Variants in MYBPC3 observed in about 807,000 individuals in gnomAD.
MYBPC3 encodes the protein myosin binding protein C3, also known as myosin-binding protein C, cardiac-type.
A neutral mutation model predicts 159.3 loss-of-function variants in MYBPC3; 108 were observed. The ratio of observed to expected loss-of-function variants is 0.68; its 90% CI spans 0.58 to 0.80. MYBPC3 has a LOEUF of 0.80. Ranked by LOEUF, MYBPC3 falls within the 30% of genes least tolerant of loss-of-function variation. MYBPC3 has a pLI of 0.00. For missense variants in MYBPC3, 1,631 were observed against 1,762.1 expected, an observed-to-expected ratio of 0.93 and a Z score of 1.33; for synonymous variants, 730 against 702.0, an observed-to-expected ratio of 1.04 and a Z score of -0.63.
Position 47,346,593 on chromosome 11 carries a change from G to A in MYBPC3, c.926+34C>T. 1 of 1,561,244 alleles carries A rather than the reference G, an allele frequency of 6.4e-7. No homozygotes were observed. Among genetic ancestry groups the A allele is most frequent in the Non-Finnish European group, 8.7e-7 (1 of 1,151,698 alleles). On this transcript the variant is annotated intron_variant, in intron 11 of 34. Transcript: ENST00000545968. The surrounding 1 kb of genome is among the most constrained non-coding windows in gnomAD (Gnocchi z 5.3). The stretch of plus-strand genomic sequence containing the variant: ...GGAGGGGCTCCTGGCAGAATTAGGG[G>A]TGATGAGGGTGCTGTGCTATGTTGG...
rs2095896519 is a variant in MYBPC3 at position 47,348,319 on chromosome 11, A to C, written c.772+105T>G. 3 of 854,036 alleles carry C rather than the reference A, an allele frequency of 3.5e-6. No individual in the cohort carries two copies. In the Admixed American group the frequency reaches 6.8e-5, roughly 19 times the overall value. 52.9% of individuals were successfully genotyped at this position (854,036 alleles called of 1,614,324 possible). A position where few individuals can be genotyped will look rare whatever the true frequency, so the allele number is the denominator to read the frequency against. The stretch of plus-strand genomic sequence containing the variant: ...AGCACTGGGCACGTGGCCAGCACTC[A>C]TGTCTGGATGGGACGAGGCATCCTC... On this transcript the variant is annotated intron_variant, in intron 6 of 34. Transcript: ENST00000545968.
rs529430621 is a variant in MYBPC3, at chr11:47,345,608, G to A, written c.1090+599C>T. On this transcript the variant is annotated intron_variant, in intron 12 of 34. Coordinates refer to ENST00000545968, the MANE Select transcript of MYBPC3 (RefSeq NM_000256.3). ...AGGCATGTGAGACCCCTGCTTTCCC[G>A]GCTCACACCCGCCCTTGTCAACCCC... Among the ~76,000 whole-genome samples, 16 of 152,240 alleles carry A rather than the reference G, an allele frequency of 1.1e-4. No homozygotes were observed. In the South Asian group the frequency reaches 3.3e-3, roughly 32 times the overall value.
rs730880559 is a variant in MYBPC3, at chr11:47,341,000, T to G, written c.1927+3A>C. On this transcript the variant is annotated splice_donor_region_variant and intron_variant, in intron 20 of 34. Transcript: ENST00000545968. ...ACCAAGACTCAGGGGCCCCAAGACT[T>G]ACCCTGCCTGGGTACGAAGTCAATC... 17 of 1,564,046 alleles carry G rather than the reference T, an allele frequency of 1.1e-5. No homozygotes were observed. The highest frequency in any genetic ancestry group is 1.5e-5 in the Non-Finnish European group (17 of 1,155,762).
rs1042851980 is a variant in MYBPC3, at chr11:47,352,608, C to T, written c.25+15G>A. The T allele has an allele frequency of 4.4e-6, 7 of 1,602,980 alleles. No homozygotes were observed. Among genetic ancestry groups the T allele is most frequent in the Middle Eastern group, 1.7e-4 (1 of 6,038 alleles). On this transcript the variant is annotated intron_variant, in intron 1 of 34. Transcript: ENST00000545968. ...CTGCTCCCACACTTAGACCCAACCC[C>T]AGTCCTAAAGCTACCTGGCTTCTTC...
rs2142849684 is a variant in MYBPC3 at position 47,332,357 on chromosome 11, C to T, written c.3628-99G>A. On this transcript the variant is annotated intron_variant, in intron 32 of 34. Transcript: ENST00000545968. This position sits in a 1 kb window ranked among gnomAD's most constrained non-coding sequence, Gnocchi z 4.2. Reference sequence around the variant, plus strand: ...CATCTGTGTTTCTACTCGGGGGGTCCCACGAGAGTCCCTGACTATGCCCAA... The same window carrying T: ...CATCTGTGTTTCTACTCGGGGGGTCTCACGAGAGTCCCTGACTATGCCCAA... 13 of 1,465,378 alleles carry T rather than the reference C, an allele frequency of 8.9e-6. No homozygotes were observed. Among genetic ancestry groups the T allele is most frequent in the Non-Finnish European group, 1.2e-5 (13 of 1,055,080 alleles). 90.8% of individuals were successfully genotyped at this position (1,465,378 alleles called of 1,614,324 possible).
chr11:47,349,548 G>A (rs2095898121), intron 5 of MYBPC3, among the ~76,000 whole-genome samples: 1 of 145,686 alleles, frequency 6.9e-6, no homozygotes, highest in African/African-American at 2.6e-5. Flanking sequence ...AAGTCTCCCA[G>A]GTCCCCGACA....
At position 47,349,789 on chromosome 11, in the gene MYBPC3, G is replaced by A. The variant is rs727504858; in HGVS notation, c.639C>T (p.Tyr213=). 8.9e-5 allele frequency: 143 copies of A among 1,606,848 alleles called. 3 individuals carry two copies. The highest frequency in any genetic ancestry group is 8.8e-4 in the South Asian group (80 of 90,836). ...GTGGACCCACCTTGCTGGCGCGGTC[G>A]TAGCTGTCGTGCAGCTGCAGGTGCT... is the stretch of plus-strand genomic sequence containing the variant. ...VGQHLQLHDS[Y]DRASKVYLFE... Residue 213 remains tyrosine (Y), a synonymous_variant, in exon 5 of 35, where the codon TAC becomes TAT. Coordinates refer to ENST00000545968, the MANE Select transcript of MYBPC3 (RefSeq NM_000256.3).
At position 47,351,172 on chromosome 11, in the gene MYBPC3, T is replaced by A; in HGVS notation, c.292+67A>T. ...AAGCACCTCCTGTTCCCTGGATGGA[T>A]GGAGAGTCGCTGGGCTGCCCCTCCC... On this transcript the variant is annotated intron_variant, in intron 2 of 34. Transcript: ENST00000545968. This position sits in a 1 kb window ranked among gnomAD's most constrained non-coding sequence, Gnocchi z 4.2. 2.1e-6 allele frequency: 3 copies of A among 1,441,104 alleles called. No homozygotes were observed. Among genetic ancestry groups the A allele is most frequent in the Non-Finnish European group, 2.8e-6 (3 of 1,087,238 alleles). The allele number at this position is 1,441,104 out of a possible 1,614,324, so 89.3% of individuals were successfully genotyped here. A position where few individuals can be genotyped will look rare whatever the true frequency, so the allele number is the denominator to read the frequency against.
In MYBPC3 at chr11:47,342,648, C is replaced by T. The variant is rs372499440; in HGVS notation, c.1554G>A (p.Met518Ile). 4 of 1,613,908 alleles carry T rather than the reference C, an allele frequency of 2.5e-6. No homozygotes were observed. The highest frequency in any genetic ancestry group is 3.4e-6 in the Non-Finnish European group (4 of 1,179,900). Residue 518 changes from methionine to isoleucine, a missense_variant, in exon 17 of 35, where the codon ATG (methionine) becomes ATA (isoleucine). By Grantham distance (10) the Met-to-Ile change is conservative (BLOSUM62 1). Transcript: ENST00000545968. Reference protein sequence around the residue: ...QRHHLIINEAMLEDAGHYALC... With the variant: ...QRHHLIINEAILEDAGHYALC... ...GTGCATAGTGCCCCGCGTCCTCCAG[C>T]ATGGCCTCGTTGATGATCAGGTGGT...
At chr11:47,331,982 G>A (rs986890502) in intron 33 of MYBPC3, 90 bp downstream of exon 33, 7 of 1,591,840 alleles carry the variant, frequency 4.4e-6, no homozygotes, top group African/African-American at 4.0e-5. Flanking sequence ...CAGGGCAGGT[G>A]CTTGGCCGAG....
At chr11:47,347,603 C>T in intron 8 of MYBPC3, 48 bp downstream of exon 8, 2 of 1,564,554 alleles carry the variant, frequency 1.3e-6, no homozygotes, top group Non-Finnish European at 1.7e-6. Flanking sequence ...CCGTCTCAGA[C>T]CCCTGGGGGT....
Position 47,331,735 on chromosome 11 carries a change from T to G in MYBPC3, c.*27-19A>C. ...GTTGTACCTGCAACACAGGTTATCT[T>G]ACGAGTGAATGGAGGGCCCCTACAG... is the stretch of plus-strand genomic sequence containing the variant. On this transcript the variant is annotated intron_variant, in intron 34 of 34. Transcript: ENST00000545968. The G allele has an allele frequency of 8.7e-7, 1 of 1,155,596 alleles. No individual in the cohort carries two copies. Among genetic ancestry groups the G allele is most frequent in the South Asian group, 1.5e-5 (1 of 65,926 alleles). The allele number at this position is 1,155,596 out of a possible 1,614,324, so 71.6% of individuals were successfully genotyped here.
rs1595848865 is a variant in MYBPC3 at position 47,348,437 on chromosome 11, A to G, written c.759T>C (p.Asn253=). ...TKDKFDCSNF[N]LTVHEAMGTG... ...GGGCCCCCTCACCGTGGACAGTGAGATTGAAGTTGGAGCAGTCAAATTTGT... is the reference window on the plus strand; with the variant it reads ...GGGCCCCCTCACCGTGGACAGTGAGGTTGAAGTTGGAGCAGTCAAATTTGT... Residue 253 remains asparagine (N), a synonymous_variant, in exon 6 of 35, where the codon AAT becomes AAC. Transcript: ENST00000545968. The G allele has an allele frequency of 1.9e-6, 3 of 1,611,828 alleles. No individual in the cohort carries two copies. The highest frequency in any genetic ancestry group is 1.3e-5 in the African/African-American group (1 of 74,888).
chr11:47,342,675 T>A lies in MYBPC3; in HGVS notation c.1527A>T (p.Arg509Ser). ...FKYRFKKDGQ[R>S]HHLIINEAML... ...TGGCCTCGTTGATGATCAGGTGGTGTCTCTGCCCGTCCTTCTTGAACCGGT... is the reference window on the plus strand; with the variant it reads ...TGGCCTCGTTGATGATCAGGTGGTGACTCTGCCCGTCCTTCTTGAACCGGT... Residue 509 changes from arginine (R) to serine (S), a missense_variant, in exon 17 of 35, where the codon AGA becomes AGT. Coordinates refer to ENST00000545968, the MANE Select transcript of MYBPC3 (RefSeq NM_000256.3). The A allele has an allele frequency of 6.2e-7, 1 of 1,614,022 alleles. No homozygotes were observed. Among genetic ancestry groups the A allele is most frequent in the Non-Finnish European group, 8.5e-7 (1 of 1,179,876 alleles).
At chr11:47,347,298 G>C in intron 9 of MYBPC3, 128 bp downstream of exon 9, 1 of 1,528,898 alleles carries the variant, frequency 6.5e-7, no homozygotes, top group Non-Finnish European at 8.8e-7. Flanking sequence ...TCATCCCCTC[G>C]ACAGACAAGG....
Position 47,343,085 on chromosome 11 carries a change from C to G in MYBPC3, c.1287G>C (p.Ala429=). Residue 429 remains alanine (A), a synonymous_variant, in exon 15 of 35, where the codon GCG becomes GCC. Coordinates refer to ENST00000545968, the MANE Select transcript of MYBPC3 (RefSeq NM_000256.3). ...CCACGCACTGGTAGGCTGCGTCGTC[C>G]GCCAATGAGCACTGGCTGATGGTCA... ...RTLTISQCSL[A]DDAAYQCVVG... is the part of the protein sequence containing the mutation. The G allele has an allele frequency of 6.2e-7, 1 of 1,612,070 alleles. No individual in the cohort carries two copies. Among genetic ancestry groups the G allele is most frequent in the South Asian group, 1.1e-5 (1 of 90,660 alleles).
In MYBPC3 at chr11:47,338,453, C is replaced by T. The variant is rs559627999; in HGVS notation, c.2308+67G>A. 2.4e-5 allele frequency: 39 copies of T among 1,600,766 alleles called. No homozygotes were observed. Among genetic ancestry groups the T allele is most frequent in the Middle Eastern group, 1.7e-4 (1 of 5,996 alleles). On this transcript the variant is annotated intron_variant, in intron 23 of 34. Coordinates refer to ENST00000545968, the MANE Select transcript of MYBPC3 (RefSeq NM_000256.3). The surrounding 1 kb of genome is among the most constrained non-coding windows in gnomAD (Gnocchi z 4.7). ...GATGTTTGTCGAGTGGCTGAATGAGCGAACGGATGGGCCCTCCTTGGGGCT... is the reference window on the plus strand; with the variant it reads ...GATGTTTGTCGAGTGGCTGAATGAGTGAACGGATGGGCCCTCCTTGGGGCT...
At chr11:47,340,622 G>A (rs767974091) in intron 20 of MYBPC3, among the ~76,000 whole-genome samples, 4 of 152,132 alleles carry the variant, frequency 2.6e-5, no homozygotes, top group African/African-American at 4.8e-5. Context: ...AGCCGAGATC[G>A]CGCCACTTCT....
chr11:47,335,160 T>A lies in MYBPC3; in HGVS notation c.2787A>T (p.Ile929=), dbSNP rs1302868628. ...CCCCCGTGGGCAGGTCCTTCACCAG[T>A]ATCGATGTGTGCTCTGTCAGCCCCT... ...ALQGLTEHTS[I]LVKDLPTGAR... is the part of the protein sequence containing the mutation. Residue 929 remains isoleucine, a synonymous_variant, in exon 27 of 35, where the codon ATA becomes ATT. Coordinates refer to ENST00000545968, the MANE Select transcript of MYBPC3 (RefSeq NM_000256.3). 6.2e-7 allele frequency: 1 copy of A among 1,612,654 alleles called. No individual in the cohort carries two copies. Among genetic ancestry groups the A allele is most frequent in the Non-Finnish European group, 8.5e-7 (1 of 1,179,348 alleles).
Sources: allele counts gnomAD v4.1 joint callset (sites outside exome capture counted in the v4.1 genomes callset), GRCh38; gene constraint gnomAD v4.1.1; non-coding constraint Gnocchi (gnomAD v3.1); transcripts MANE v1.5; gene names NCBI Gene and HGNC (gene_info 2026-07-23, HGNC 2026-07-21).